Variants in ADGRL3 observed in about 807,000 individuals in gnomAD.
The protein encoded by ADGRL3 is adhesion G protein-coupled receptor L3.
ADGRL3 carries 62 observed loss-of-function variants against 153.5 expected under a neutral mutation model. The observed-to-expected ratio is 0.40, with a 90% confidence interval of 0.33 to 0.50. The LOEUF (loss-of-function observed/expected upper bound fraction) is 0.50, where lower values mean the gene tolerates loss of function less well. Ranked by LOEUF, ADGRL3 falls within the 20% of genes least tolerant of loss-of-function variation. The pLI is 0.47. For synonymous variants in ADGRL3, 710 were observed against 672.5 expected, an observed-to-expected ratio of 1.06 and a Z score of -0.86; for missense variants, 1,641 against 1,859.4, an observed-to-expected ratio of 0.88 and a Z score of 2.16.
intron 6 of ADGRL3, among the ~76,000 whole-genome samples, chr4:61,728,732 T>A (rs2096390194): frequency 6.6e-6 from 1 of 152,100 alleles, no homozygotes. Context: ...CTTTGTAGGC[T>A]AGTTGTTGAC....
chr4:62,031,459 C>T lies in ADGRL3; in HGVS notation c.3440C>T (p.Ala1147Val). Residue 1147 changes from alanine to valine, a missense_variant, in exon 23 of 27, where the codon GCA (alanine) becomes GTA (valine). Around this residue, in one of 5 missense-constraint regions of ADGRL3, gnomAD observed 517 missense variants for 555.0 expected, o/e 0.93. Transcript: ENST00000683033. The stretch of plus-strand genomic sequence containing the variant: ...CTCTACAGGTCATGGGTTATAGGTG[C>T]AATAGCTCTTCTCTGCCTATTAGGA... ...RPFIKSWVIG[A>V]IALLCLLGLT... 1 of 1,609,632 alleles carries T rather than the reference C, an allele frequency of 6.2e-7. No homozygotes were observed. The highest frequency in any genetic ancestry group is 8.5e-7 in the Non-Finnish European group (1 of 1,177,090).
intron 4 of ADGRL3, among the ~76,000 whole-genome samples, chr4:61,541,346 ATTTTTTT>A (rs3075146): frequency 1.9e-5 from 2 of 103,338 alleles, no homozygotes; most frequent in African/African-American, 3.9e-5. Context: ...TCTGGTAGAG[ATTTTTTT>A]TTTTTTTTTT....
At chr4:62,006,902 G>A (rs554027240) in intron 21 of ADGRL3, among the ~76,000 whole-genome samples, 1 of 152,124 alleles carries the variant, frequency 6.6e-6, no homozygotes, top group East Asian at 1.9e-4. Flanking sequence ...GACCACTATG[G>A]TGTCCTAAAT....
intron 5 of ADGRL3, among the ~76,000 whole-genome samples, chr4:61,614,617 C>T (rs1451768913): frequency 6.6e-6 from 1 of 151,858 alleles, no homozygotes; most frequent in Non-Finnish European, 1.5e-5. Context: ...AAAGAAAATC[C>T]AGGATTTCAA....
intron 24 of ADGRL3, among the ~76,000 whole-genome samples, chr4:62,041,417 T>C (rs942863687): frequency 4.6e-5 from 7 of 152,214 alleles, no homozygotes; most frequent in African/African-American, 1.7e-4. Flanking sequence ...GATTTTTAGA[T>C]ATATTTGCTT....
At chr4:61,408,398 G>A (rs1206591223) in intron 2 of ADGRL3, among the ~76,000 whole-genome samples, 1 of 151,334 alleles carries the variant, frequency 6.6e-6, no homozygotes, top group Non-Finnish European at 1.5e-5. Flanking sequence ...AGCCCATGGG[G>A]GTATTAGCTG....
intron 6 of ADGRL3, among the ~76,000 whole-genome samples, chr4:61,723,282 C>G (rs982225251): frequency 2.6e-5 from 4 of 152,142 alleles, no homozygotes; most frequent in Admixed American, 2.6e-4. Context: ...TCCTTTATAG[C>G]ATGGTCATAA....
chr4:61,730,735 ATTT>A, intron 7 of ADGRL3, 99 bp downstream of exon 7: 1 of 305,610 alleles, frequency 3.3e-6, no homozygotes, highest in East Asian at 5.5e-5. Flanking sequence ...ATTCTTATCT[ATTT>A]TATGAAAATT....
intron 2 of ADGRL3, among the ~76,000 whole-genome samples, chr4:61,435,678 T>G (rs116782829): frequency 3.0e-4 from 45 of 150,676 alleles, no homozygotes; most frequent in African/African-American, 1.1e-3. Flanking sequence ...CGGGGACAAT[T>G]GCATTCTCCT....
intron 22 of ADGRL3, among the ~76,000 whole-genome samples, chr4:62,029,520 C>T (rs987162820): frequency 4.0e-5 from 6 of 151,484 alleles, no homozygotes; most frequent in Non-Finnish European, 8.9e-5. Flanking sequence ...TAAATGTTAA[C>T]ATTTAGACAT....
At chr4:61,987,047 G>A (rs1254348032) in intron 19 of ADGRL3, among the ~76,000 whole-genome samples, 1 of 151,910 alleles carries the variant, frequency 6.6e-6, no homozygotes, top group African/African-American at 2.4e-5. Context: ...AGAATTATAT[G>A]TCTTGTTTCC....
chr4:61,291,218 G>GCACACACA (rs765771949), intron 1 of ADGRL3, among the ~76,000 whole-genome samples: 4,237 of 133,974 alleles, frequency 0.032, 105 homozygotes, highest in African/African-American at 0.046. Flanking sequence ...ACACACACAC[G>GCACACACA]CACACACACA....
chr4:61,467,615 C>T (rs893042457), intron 2 of ADGRL3, among the ~76,000 whole-genome samples: 5 of 151,916 alleles, frequency 3.3e-5, no homozygotes, highest in Non-Finnish European at 7.4e-5. Context: ...AAAGTAGAAA[C>T]ACTCTGAAGT....
chr4:61,498,773 C>T (rs569750586), intron 3 of ADGRL3, among the ~76,000 whole-genome samples: 5 of 152,028 alleles, frequency 3.3e-5, no homozygotes, highest in East Asian at 1.9e-4. Context: ...AATATATAAG[C>T]GAGACATTTA....
intron 6 of ADGRL3, among the ~76,000 whole-genome samples, chr4:61,681,593 C>T (rs1345054176): frequency 1.3e-5 from 2 of 151,930 alleles, no homozygotes; most frequent in Non-Finnish European, 2.9e-5. Flanking sequence ...CATGATTGTC[C>T]TTATGAACAG....
chr4:61,848,765 A>G lies in ADGRL3; in HGVS notation c.1480+34876A>G, dbSNP rs4312787. Among the ~76,000 whole-genome samples, 1,001 of 152,276 alleles carry G rather than the reference A, an allele frequency of 6.6e-3. 6 individuals are homozygous for G. The highest frequency in any genetic ancestry group is 0.021 in the African/African-American group (858 of 41,546). ...GACTCATGCAAGGATAAATTAAATG[A>G]TCAAACTTTCTAAAGGCTTAATTAG... On this transcript the variant is annotated intron_variant, in intron 9 of 26. Coordinates refer to ENST00000683033, the MANE Select transcript of ADGRL3 (RefSeq NM_001387552.1).
intron 1 of ADGRL3, among the ~76,000 whole-genome samples, chr4:61,304,063 T>A (rs1269526952): frequency 6.6e-6 from 1 of 152,210 alleles, no homozygotes; most frequent in African/African-American, 2.4e-5. Flanking sequence ...TGTGCACAGA[T>A]GTGATAGCAC....
At position 61,757,860 on chromosome 4, in the gene ADGRL3, G is replaced by A. The variant is rs540472995; in HGVS notation, c.1399+24306G>A. Among the ~76,000 whole-genome samples, 283 of 152,262 alleles carry A rather than the reference G, an allele frequency of 1.9e-3. 2 individuals carry two copies. The highest frequency in any genetic ancestry group is 6.2e-3 in the African/African-American group (258 of 41,550). ...GATTTCAAAGAACATCTTTATTTCT[G>A]CCTTCATTTCGTTATGTACCCAGTA... On this transcript the variant is annotated intron_variant, in intron 8 of 26. Transcript: ENST00000683033.
chr4:61,515,987 G>A (rs988814520), intron 3 of ADGRL3, among the ~76,000 whole-genome samples: 1 of 151,972 alleles, frequency 6.6e-6, no homozygotes, highest in Non-Finnish European at 1.5e-5. Flanking sequence ...TATAAAAATG[G>A]CATTCAGATT....
Sources: allele counts gnomAD v4.1 joint callset (sites outside exome capture counted in the v4.1 genomes callset), GRCh38; gene constraint gnomAD v4.1.1; regional missense constraint gnomAD v4.1.1; transcripts MANE v1.5; gene names NCBI Gene and HGNC (gene_info 2026-07-23, HGNC 2026-07-21).